Variants in ART3 observed in about 807,000 individuals in gnomAD.
The protein encoded by ART3 is ADP-ribosyltransferase 3 (inactive).
A neutral mutation model predicts 48.5 loss-of-function variants in ART3; 49 were observed. The ratio of observed to expected loss-of-function variants is 1.01; its 90% confidence interval spans 0.80 to 1.28. ART3 has a LOEUF of 1.28. Ranked by LOEUF, ART3 falls within the 50% of genes most tolerant of loss-of-function variation. The pLI is 0.00. For synonymous variants in ART3, 145 were observed against 157.2 expected, an observed-to-expected ratio of 0.92 and a Z score of 0.58; for missense variants, 438 against 454.3, an observed-to-expected ratio of 0.96 and a Z score of 0.33.
chr4:76,022,803 TAG>T, intron 1 of ART3: 1 of 1,610,132 alleles, frequency 6.2e-7, no homozygotes, highest in Non-Finnish European at 8.5e-7. Context: ...CGTACAGTTC[TAG>T]AGAGAGGTAC....
At chr4:76,043,453 T>C (rs1197511426) in intron 1 of ART3, among the ~76,000 whole-genome samples, 1 of 152,044 alleles carries the variant, frequency 6.6e-6, no homozygotes, top group Non-Finnish European at 1.5e-5. Flanking sequence ...GGAAGGCAGC[T>C]AAGGCCCGAT....
chr4:76,074,309 C>T (rs1296062244), upstream of ART3, among the ~76,000 whole-genome samples: 1 of 152,112 alleles, frequency 6.6e-6, no homozygotes, highest in Non-Finnish European at 1.5e-5. Flanking sequence ...CGACTCCTGA[C>T]GAGGTACCTG....
intron 9 of ART3, 119 bp downstream of exon 9, chr4:76,104,088 G>A: frequency 8.9e-7 from 1 of 1,122,068 alleles, no homozygotes; most frequent in Non-Finnish European, 1.3e-6. Flanking sequence ...ATAGCTACCT[G>A]CCAGTCATCT....
In ART3 at chr4:76,021,641, T is replaced by C. The variant is rs1732824770; in HGVS notation, c.-10+10321T>C. ...TGGAAGATGGGAAAGGTGAGGGAAATATTTGAAGCAGGGTCAGAACATCCA... is the reference window on the plus strand; with the variant it reads ...TGGAAGATGGGAAAGGTGAGGGAAACATTTGAAGCAGGGTCAGAACATCCA... On this transcript the variant is annotated intron_variant, in intron 1 of 9. Coordinates refer to the ART3 transcript ENST00000341029. The C allele has an allele frequency of 8.0e-6, 3 of 375,874 alleles. No homozygotes were observed. The Admixed American group carries it at 1.3e-4, about 16-fold the overall frequency. The allele number at this position is 375,874 out of a possible 1,614,324, so 23.3% of individuals were successfully genotyped here. A position where few individuals can be genotyped will look rare whatever the true frequency, so the allele number is the denominator to read the frequency against.
chr4:76,100,929 T>C, intron 7 of ART3, 61 bp from the exon 8 acceptor site: 1 of 1,606,968 alleles, frequency 6.2e-7, no homozygotes, highest in Non-Finnish European at 8.5e-7. Flanking sequence ...GCTGTAGCTA[T>C]AGTAACTGCC....
chr4:76,104,875 T>G (rs1728126432), intron 10 of ART3, among the ~76,000 whole-genome samples: 1 of 152,222 alleles, frequency 6.6e-6, no homozygotes, highest in South Asian at 2.1e-4. Flanking sequence ...AATATTTTTT[T>G]GCAGGTTTTG....
exon 1 of ART3, chr4:76,011,233 CGCTCGTGCT>C (rs1731760139): frequency 6.5e-6 from 1 of 152,700 alleles, no homozygotes; most frequent in African/African-American, 2.4e-5. Context: ...TCTCGACGCT[CGCTCGTGCT>C]GCTCGTGTTG....
intron 1 of ART3, among the ~76,000 whole-genome samples, chr4:76,066,701 G>A (rs1444815224): frequency 6.6e-6 from 1 of 152,130 alleles, no homozygotes; most frequent in Non-Finnish European, 1.5e-5. Context: ...AGGCACCAGT[G>A]TCCACTCCAG....
Position 76,098,963 on chromosome 4 carries a change from C to T in ART3, c.823C>T (p.Gln275Ter), listed in dbSNP as rs1726645524. Residue 275 changes from glutamine (Q) to a stop codon, truncating the protein, a stop_gained, in exon 5 of 12, where the codon CAA becomes TAA. Transcript: ENST00000355810. LOFTEE classifies it high-confidence loss of function. ...ACATGTCTGTATTTCAGAATATTTT[C>T]AACCCATCTATGTCTACAACCCTGG... ...ENCIENLEYFQPIYVYNPGEK... is the reference protein window; with the variant it reads ...ENCIENLEYF 6.2e-7 allele frequency: 1 copy of T among 1,608,608 alleles called. No individual in the cohort carries two copies. Among genetic ancestry groups the T allele is most frequent in the Admixed American group, 1.7e-5 (1 of 59,978 alleles).
chr4:76,096,112 G>A (rs866803524), intron 3 of ART3, among the ~76,000 whole-genome samples: 5 of 152,166 alleles, frequency 3.3e-5, no homozygotes, highest in Middle Eastern at 6.8e-3. Flanking sequence ...TAGTGGAGAC[G>A]GGGTTTCACC....
chr4:76,039,596 A>G (rs1349979433), intron 1 of ART3, among the ~76,000 whole-genome samples: 3 of 152,266 alleles, frequency 2.0e-5, no homozygotes, highest in Non-Finnish European at 4.4e-5. Context: ...CATACTAATC[A>G]TAAAAATCAC....
intron 1 of ART3, among the ~76,000 whole-genome samples, chr4:76,037,559 C>G (rs1734552075): frequency 6.6e-6 from 1 of 152,106 alleles, no homozygotes; most frequent in African/African-American, 2.4e-5. Context: ...CCATGAACTC[C>G]AGGCCTCAAG....
chr4:76,044,769 C>T (rs1011122664), intron 1 of ART3, among the ~76,000 whole-genome samples: 10 of 151,860 alleles, frequency 6.6e-5, no homozygotes, highest in African/African-American at 2.4e-4. Flanking sequence ...TTCCTTCTTG[C>T]TGGTCTTTCC....
chr4:76,052,076 T>G (rs1326349663), intron 1 of ART3, among the ~76,000 whole-genome samples: 2 of 151,610 alleles, frequency 1.3e-5, no homozygotes, highest in South Asian at 4.2e-4. Context: ...CCCAGCTAAT[T>G]TTTTTTGTAT....
chr4:76,019,279 T>C (rs962652968), intron 1 of ART3, among the ~76,000 whole-genome samples: 3 of 151,662 alleles, frequency 2.0e-5, no homozygotes, highest in Admixed American at 6.6e-5. Context: ...TTGTATTGGC[T>C]AGGGAGAGCT....
intron 8 of ART3, 36 bp downstream of exon 8, chr4:76,101,055 T>C (rs746158778): frequency 1.2e-6 from 2 of 1,609,950 alleles, no homozygotes; most frequent in Admixed American, 1.7e-5. Flanking sequence ...GGCTTACATT[T>C]TGCAATATAT....
chr4:76,033,060 C>G (rs1308752645), intron 1 of ART3, among the ~76,000 whole-genome samples: 4 of 151,784 alleles, frequency 2.6e-5, no homozygotes, highest in African/African-American at 9.7e-5. Flanking sequence ...TTTTATTTTT[C>G]AAATGTATGG....
intron 10 of ART3, chr4:76,106,105 AG>A (rs1358155204): frequency 2.0e-6 from 2 of 985,186 alleles, no homozygotes; most frequent in South Asian, 4.7e-5. Context: ...TTGACACTTC[AG>A]AGATGAGAAC....
chr4:76,022,851 C>T, intron 1 of ART3: 1 of 1,588,412 alleles, frequency 6.3e-7, no homozygotes, highest in Non-Finnish European at 8.5e-7. Context: ...AGAAGGTTAG[C>T]ACAGTGTTCA....
Sources: allele counts gnomAD v4.1 joint callset (sites outside exome capture counted in the v4.1 genomes callset), GRCh38; gene constraint gnomAD v4.1.1; transcripts MANE v1.5; gene names NCBI Gene and HGNC (gene_info 2026-07-23, HGNC 2026-07-21).